RBFOX3: variants seen among roughly 807,000 people sequenced by gnomAD.
RBFOX3 encodes the protein RNA binding fox-1 homolog 3.
Under a neutral mutation model 48.7 loss-of-function variants are expected in RBFOX3, and 17 were observed. The ratio of observed to expected loss-of-function variants is 0.35; its 90% CI spans 0.24 to 0.52. The LOEUF is 0.52. RBFOX3 is among the 20% of genes least tolerant of loss of function. RBFOX3 has a pLI of 0.94. For missense variants in RBFOX3, 382 were observed against 497.5 expected (o/e 0.77, Z 2.21); for synonymous variants, 212 against 209.5 (o/e 1.01, Z -0.10).
At chr17:79,466,130 G>A (rs1251494043) in intron 2 of RBFOX3, among the ~76,000 whole-genome samples, 1 of 152,218 alleles carries the variant, frequency 6.6e-6, no homozygotes, top group Middle Eastern at 3.2e-3. Context: ...CTGCTGGGCT[G>A]TGTTTTCTAC....
chr17:79,538,914 C>T (rs1440169373), intron 1 of RBFOX3, among the ~76,000 whole-genome samples: 1 of 152,128 alleles, frequency 6.6e-6, no homozygotes, highest in African/African-American at 2.4e-5. Context: ...CCCATGGAAA[C>T]ACGGACAAAG....
chr17:79,217,106 G>A lies in RBFOX3; in HGVS notation c.-34+18660C>T, dbSNP rs566477317. Among the ~76,000 whole-genome samples, 328 of 152,276 alleles carry A rather than the reference G, an allele frequency of 2.2e-3. 2 individuals carry two copies. Among genetic ancestry groups the A allele is most frequent in the African/African-American group, 6.6e-3 (274 of 41,566 alleles). The stretch of plus-strand genomic sequence containing the variant: ...TACCAAGGGGAGCCCCTCCCCGCAC[G>A]GCCAAGCTGAAAGGGCCTGGGGGCA... On this transcript the variant is annotated intron_variant, in intron 4 of 14. Coordinates refer to ENST00000693108, the MANE Select transcript of RBFOX3 (RefSeq NM_001350451.2).
intron 1 of RBFOX3, among the ~76,000 whole-genome samples, chr17:79,566,264 G>A (rs1045001392): frequency 8.5e-5 from 13 of 152,124 alleles, no homozygotes; most frequent in East Asian, 7.7e-4. Flanking sequence ...CTCCCTTTGC[G>A]TAAGCACGTC....
intron 3 of RBFOX3, among the ~76,000 whole-genome samples, chr17:79,288,180 C>T (rs56752818): frequency 0.066 from 10,051 of 152,138 alleles, 382 homozygotes; most frequent in East Asian, 0.2. Context: ...ACCTGATATG[C>T]GACAAATCAT....
At chr17:79,414,073 G>A (rs547235019) in intron 2 of RBFOX3, among the ~76,000 whole-genome samples, 2 of 152,210 alleles carry the variant, frequency 1.3e-5, no homozygotes, top group South Asian at 2.1e-4. Context: ...AGCTCGGCTG[G>A]CCTCGGCCTT....
intron 1 of RBFOX3, among the ~76,000 whole-genome samples, chr17:79,504,236 G>A (rs961079230): frequency 3.2e-4 from 49 of 152,222 alleles, no homozygotes; most frequent in Non-Finnish European, 6.3e-4. Flanking sequence ...AGCAGGAGCC[G>A]CCGTAACAAA....
intron 3 of RBFOX3, among the ~76,000 whole-genome samples, chr17:79,298,963 A>G (rs1993418): frequency 0.53 from 80,356 of 152,076 alleles, 21,543 homozygotes; most frequent in Middle Eastern, 0.66. Context: ...GCTGGGTGGC[A>G]GCACCGGGCG....
At chr17:79,536,049 G>T (rs1337956951) in intron 1 of RBFOX3, among the ~76,000 whole-genome samples, 1 of 152,150 alleles carries the variant, frequency 6.6e-6, no homozygotes. Context: ...GTCTCACAGG[G>T]GGCTGGGGAG....
intron 4 of RBFOX3, among the ~76,000 whole-genome samples, chr17:79,168,094 C>T (rs2048393012): frequency 6.6e-6 from 1 of 152,170 alleles, no homozygotes; most frequent in Non-Finnish European, 1.5e-5. Context: ...ACAGTGGGGC[C>T]GGCTCAGAGG....
At chr17:79,605,541 G>A (rs2093808334) in intron 1 of RBFOX3, among the ~76,000 whole-genome samples, 1 of 152,186 alleles carries the variant, frequency 6.6e-6, no homozygotes, top group African/African-American at 2.4e-5. Flanking sequence ...CCAGCGGTGG[G>A]TCCAGTAGGG....
chr17:79,381,926 C>A (rs1207462174), intron 2 of RBFOX3, among the ~76,000 whole-genome samples: 7 of 152,156 alleles, frequency 4.6e-5, no homozygotes, highest in African/African-American at 1.4e-4. Flanking sequence ...AAACCGAAAC[C>A]CGGTGTCACC....
chr17:79,450,357 G>A (rs570129340), intron 2 of RBFOX3, among the ~76,000 whole-genome samples: 19 of 152,260 alleles, frequency 1.2e-4, no homozygotes, highest in African/African-American at 2.9e-4. Context: ...AGAATAAAAC[G>A]GGGAAAAAAC....
At chr17:79,409,208 C>T (rs1244481220) in intron 2 of RBFOX3, among the ~76,000 whole-genome samples, 1 of 152,240 alleles carries the variant, frequency 6.6e-6, no homozygotes, top group Non-Finnish European at 1.5e-5. Flanking sequence ...TGTGGCACTC[C>T]CTTGCGTGGC....
chr17:79,602,936 C>T (rs1334926781), intron 1 of RBFOX3, among the ~76,000 whole-genome samples: 1 of 151,872 alleles, frequency 6.6e-6, no homozygotes, highest in Non-Finnish European at 1.5e-5. Context: ...ATGCCACTCC[C>T]TTTGCAAAAG....
intron 2 of RBFOX3, among the ~76,000 whole-genome samples, chr17:79,441,872 C>A (rs1568256822): frequency 6.6e-6 from 1 of 152,080 alleles, no homozygotes; most frequent in Non-Finnish European, 1.5e-5. Flanking sequence ...CTTAGTGAGG[C>A]AGGTGAAATC....
chr17:79,324,667 T>C (rs1169658029), intron 2 of RBFOX3, among the ~76,000 whole-genome samples: 1 of 152,184 alleles, frequency 6.6e-6, no homozygotes, highest in East Asian at 1.9e-4. Context: ...ACCTGGCTCC[T>C]GGGTGGAGGG....
At chr17:79,108,259 G>A (rs2077793126) in intron 5 of RBFOX3, among the ~76,000 whole-genome samples, 1 of 152,200 alleles carries the variant, frequency 6.6e-6, no homozygotes, top group Non-Finnish European at 1.5e-5. Flanking sequence ...GAGGAGACTG[G>A]GGTCCCTTAG....
At chr17:79,152,025 T>C (rs1330284270) in intron 4 of RBFOX3, among the ~76,000 whole-genome samples, 1 of 151,054 alleles carries the variant, frequency 6.6e-6, no homozygotes, top group Non-Finnish European at 1.5e-5. Context: ...CGCTAAGAAA[T>C]GGGGAAGCAG....
Position 79,250,185 on chromosome 17 carries a change from A to G in RBFOX3, c.-73-14380T>C, listed in dbSNP as rs2063730032. On this transcript the variant is annotated intron_variant, in intron 3 of 14. Coordinates refer to ENST00000693108, the MANE Select transcript of RBFOX3 (RefSeq NM_001350451.2). Reference sequence around the variant, plus strand: ...GATCAATTTCAGTCTCCTACTGGATACGGCCTCAGAAGTGAAATGTGAACA... The same window carrying G: ...GATCAATTTCAGTCTCCTACTGGATGCGGCCTCAGAAGTGAAATGTGAACA... Among the ~76,000 whole-genome samples the G allele has an allele frequency of 2.6e-5, 4 of 152,176 alleles. 1 individual carries two copies. The South Asian group carries it at 8.3e-4, about 32-fold the overall frequency.
Sources: gnomAD v4.1 joint callset for allele counts (sites outside exome capture counted in the v4.1 genomes callset) on GRCh38, gnomAD v4.1.1 for gene constraint, MANE v1.5 for transcripts, NCBI Gene and HGNC (gene_info 2026-07-23, HGNC 2026-07-21) for gene names.